CACNA2D3: variants seen among roughly 807,000 people sequenced by gnomAD.
The protein encoded by CACNA2D3 is calcium voltage-gated channel auxiliary subunit alpha2delta 3, also known as voltage-dependent calcium channel subunit alpha-2/delta-3.
In CACNA2D3, 60 loss-of-function variants were observed where a neutral mutation model predicts 160.6. That is an observed-to-expected ratio of 0.37 (90% confidence interval 0.30 to 0.46). CACNA2D3 has a LOEUF of 0.46. Among genes scored for constraint, CACNA2D3 ranks in the 20% least tolerant of loss-of-function variants. CACNA2D3 has a pLI of 1.00. For missense variants in CACNA2D3, 1,205 were observed against 1,365.0 expected (o/e 0.88, Z 1.85); for synonymous variants, 558 against 492.9 (o/e 1.13, Z -1.75).
chr3:54,902,134 A>C (rs1223422243), intron 27 of CACNA2D3, among the ~76,000 whole-genome samples: 3 of 152,192 alleles, frequency 2.0e-5, no homozygotes, highest in Non-Finnish European at 2.9e-5. Flanking sequence ...GGTCTCAATG[A>C]AATCCTTGTG....
chr3:54,301,302 G>T (rs975420625), intron 2 of CACNA2D3, among the ~76,000 whole-genome samples: 5 of 141,152 alleles, frequency 3.5e-5, no homozygotes, highest in Non-Finnish European at 7.7e-5. Flanking sequence ...ACAAAAGACA[G>T]AAAAAAAAAA....
intron 14 of CACNA2D3, among the ~76,000 whole-genome samples, chr3:54,825,139 T>G (rs1017889722): frequency 2.0e-5 from 3 of 152,210 alleles, no homozygotes; most frequent in Non-Finnish European, 4.4e-5. Flanking sequence ...ACAACATTGC[T>G]GCAATGAAAC....
At chr3:54,612,648 T>C (rs1335370785) in intron 9 of CACNA2D3, among the ~76,000 whole-genome samples, 1 of 152,194 alleles carries the variant, frequency 6.6e-6, no homozygotes, top group African/African-American at 2.4e-5. Context: ...ATATATTAAT[T>C]ATACTCATGA....
At chr3:54,756,648 A>G (rs972244183) in intron 12 of CACNA2D3, among the ~76,000 whole-genome samples, 1 of 152,154 alleles carries the variant, frequency 6.6e-6, no homozygotes, top group Non-Finnish European at 1.5e-5. Flanking sequence ...GGGCCTGACC[A>G]CAGAATGACC....
chr3:54,473,217 G>A (rs865883759), intron 4 of CACNA2D3, among the ~76,000 whole-genome samples: 24 of 152,086 alleles, frequency 1.6e-4, no homozygotes, highest in African/African-American at 5.3e-4. Context: ...AGAGGCCTCC[G>A]AAATAATGCC....
chr3:54,437,365 G>A (rs984756648), intron 4 of CACNA2D3, among the ~76,000 whole-genome samples: 1 of 152,196 alleles, frequency 6.6e-6, no homozygotes, highest in Non-Finnish European at 1.5e-5. Context: ...CTTGTTGAAG[G>A]CTCCTTCATT....
chr3:54,149,267 G>GCGCGCACACA (rs111927276), intron 2 of CACNA2D3, among the ~76,000 whole-genome samples: 1 of 144,328 alleles, frequency 6.9e-6, no homozygotes, highest in African/African-American at 2.6e-5. Context: ...GGTCCCATGT[G>GCGCGCACACA]CACACACACA....
intron 2 of CACNA2D3, among the ~76,000 whole-genome samples, chr3:54,299,309 T>G (rs532940194): frequency 1.2e-4 from 19 of 152,246 alleles, no homozygotes; most frequent in African/African-American, 4.3e-4. Flanking sequence ...TCCAGGACTG[T>G]GTACCGTGGC....
intron 4 of CACNA2D3, among the ~76,000 whole-genome samples, chr3:54,496,913 G>A (rs377120404): frequency 1.1e-4 from 17 of 152,160 alleles, no homozygotes; most frequent in African/African-American, 3.9e-4. Flanking sequence ...TTTATTTGAT[G>A]TCAATTGACC....
At chr3:54,269,982 C>T (rs973746692) in intron 2 of CACNA2D3, among the ~76,000 whole-genome samples, 5 of 152,148 alleles carry the variant, frequency 3.3e-5, no homozygotes, top group African/African-American at 1.2e-4. Context: ...CCCTGGGCAA[C>T]AGAAAAATAA....
At chr3:54,404,788 A>T (rs1699542545) in intron 4 of CACNA2D3, among the ~76,000 whole-genome samples, 1 of 152,150 alleles carries the variant, frequency 6.6e-6, no homozygotes, top group African/African-American at 2.4e-5. Context: ...ATGTAAAATA[A>T]AGATACAAAA....
chr3:54,408,223 C>T (rs1324286192), intron 4 of CACNA2D3, among the ~76,000 whole-genome samples: 2 of 152,128 alleles, frequency 1.3e-5, no homozygotes, highest in Admixed American at 6.6e-5. Context: ...TTTGGGAGTT[C>T]AGGGTACCTT....
intron 29 of CACNA2D3, among the ~76,000 whole-genome samples, chr3:54,981,279 G>A (rs550023910): frequency 4.4e-4 from 67 of 152,158 alleles, no homozygotes; most frequent in African/African-American, 1.3e-3. Context: ...TCCTAGGCTC[G>A]CACTGTATCT....
chr3:54,935,556 A>G (rs1701306819), intron 27 of CACNA2D3, among the ~76,000 whole-genome samples: 1 of 152,168 alleles, frequency 6.6e-6, no homozygotes, highest in Non-Finnish European at 1.5e-5. Context: ...TTGAGTGGCT[A>G]CTTTTGTCTG....
At chr3:55,020,906 C>T (rs1005996732) in intron 35 of CACNA2D3, among the ~76,000 whole-genome samples, 2 of 151,908 alleles carry the variant, frequency 1.3e-5, no homozygotes, top group Non-Finnish European at 2.9e-5. Context: ...TTTACTTACA[C>T]CATGAACTTT....
intron 11 of CACNA2D3, among the ~76,000 whole-genome samples, chr3:54,749,558 T>TG (rs1272012909): frequency 1.3e-5 from 2 of 152,276 alleles, no homozygotes; most frequent in South Asian, 4.1e-4. Context: ...AATTACTGTG[T>TG]GAAAAAAAAA....
intron 2 of CACNA2D3, among the ~76,000 whole-genome samples, chr3:54,208,999 C>T (rs1248134172): frequency 6.6e-6 from 1 of 152,110 alleles, no homozygotes; most frequent in Non-Finnish European, 1.5e-5. Flanking sequence ...CCTTATAAAA[C>T]CATCAGATCA....
At chr3:54,933,071 TC>T (rs1701238980) in intron 27 of CACNA2D3, among the ~76,000 whole-genome samples, 1 of 71,778 alleles carries the variant, frequency 1.4e-5, no homozygotes, top group African/African-American at 6.7e-5. Flanking sequence ...CTTCCTTCCT[TC>T]CTTCCTTCCT....
At chr3:54,833,541 G>C (rs1390052043) in intron 14 of CACNA2D3, among the ~76,000 whole-genome samples, 1 of 151,986 alleles carries the variant, frequency 6.6e-6, no homozygotes, top group African/African-American at 2.4e-5. Context: ...TTGGGGGACA[G>C]AGGGTTTCTG....
Sources: gnomAD v4.1 joint callset for allele counts (sites outside exome capture counted in the v4.1 genomes callset) on GRCh38, gnomAD v4.1.1 for gene constraint, MANE v1.5 for transcripts, NCBI Gene and HGNC (gene_info 2026-07-23, HGNC 2026-07-21) for gene names.